Variants in REV1 observed in about 807,000 individuals in gnomAD.
REV1 encodes REV1 DNA directed polymerase, also known as translesion synthesis protein REV1.
In REV1, 42 loss-of-function variants were observed where a neutral mutation model predicts 137.4. The observed-to-expected ratio is 0.31, with a 90% CI of 0.24 to 0.40. REV1 has a LOEUF of 0.40. Among genes scored for constraint, REV1 ranks in the 10% least tolerant of loss-of-function variants. The probability of loss-of-function intolerance (pLI) is 1.00; values close to 1 mark genes in which losing one functional copy is unlikely to be tolerated. For missense variants in REV1, 1,282 were observed against 1,490.1 expected, an observed-to-expected ratio of 0.86 and a Z score of 2.30; for synonymous variants, 524 against 519.2, an observed-to-expected ratio of 1.01 and a Z score of -0.12.
chr2:99,480,758 T>A (rs1176755195), intron 1 of REV1, among the ~76,000 whole-genome samples: 1 of 152,236 alleles, frequency 6.6e-6, no homozygotes. Flanking sequence ...AATGCTTCTA[T>A]TAAATGTAAT....
chr2:99,406,173 A>G (rs1348298618), intron 16 of REV1, 67 bp from the exon 17 acceptor site: 12 of 1,416,154 alleles, frequency 8.5e-6, no homozygotes, highest in Non-Finnish European at 1.0e-5. Flanking sequence ...TCCTCTGTCC[A>G]TTACAAATAA....
intron 3 of REV1, among the ~76,000 whole-genome samples, chr2:99,457,855 A>G (rs1417481966): frequency 6.6e-6 from 1 of 152,194 alleles, no homozygotes; most frequent in Non-Finnish European, 1.5e-5. Flanking sequence ...ACAAACATCA[A>G]TGGAAGAGAA....
Position 99,406,359 on chromosome 2 carries a change from T to G in REV1, c.2580A>C (p.Lys860Asn). Reference sequence around the variant, plus strand: ...GCTCCTCTTCGGTGGATTTCTTAGCTTTCTGAACTTGGAAGACATCACGGA... The same window carrying G: ...GCTCCTCTTCGGTGGATTTCTTAGCGTTCTGAACTTGGAAGACATCACGGA... Reference protein sequence around the residue: ...YSVRDVFQVQKAKKSTEEEHK... With the variant: ...YSVRDVFQVQNAKKSTEEEHK... Residue 860 changes from lysine to asparagine, a missense_variant, in exon 16 of 23, where the codon AAA becomes AAC. Physicochemically the swap from Lys to Asn is moderately conservative, Grantham distance 94 (BLOSUM62 0). This residue lies in a region of REV1 where 372 missense variants were observed against 482.3 expected (regional missense o/e 0.77). Transcript: ENST00000258428. 6.2e-7 allele frequency: 1 copy of G among 1,613,308 alleles called. No individual in the cohort carries two copies. The highest frequency in any genetic ancestry group is 8.5e-7 in the Non-Finnish European group (1 of 1,179,588).
At chr2:99,445,061 G>GC (rs1365532118) in intron 4 of REV1, among the ~76,000 whole-genome samples, 26 of 151,726 alleles carry the variant, frequency 1.7e-4, no homozygotes, top group Admixed American at 1.4e-3. Flanking sequence ...CATAGTCATA[G>GC]CAAGTGAAAT....
At chr2:99,462,912 A>C in intron 2 of REV1, 1 of 220,836 alleles carries the variant, frequency 4.5e-6, no homozygotes, top group Non-Finnish European at 8.7e-6. Flanking sequence ...ACATGGTGAA[A>C]CCCCGTCTCT....
chr2:99,411,325 T>G (rs1052655421), intron 13 of REV1, among the ~76,000 whole-genome samples: 8 of 151,872 alleles, frequency 5.3e-5, no homozygotes, highest in African/African-American at 1.9e-4. Flanking sequence ...CTGTTTGGTA[T>G]ACCCTCAACT....
Position 99,416,027 on chromosome 2 carries a change from GTTTT to G in REV1, c.1951+2797_1951+2800del, listed in dbSNP as rs1425183117. Among the ~76,000 whole-genome samples, 4 of 152,366 alleles carry G rather than the reference GTTTT, an allele frequency of 2.6e-5. No homozygotes were observed. The East Asian group carries it at 7.7e-4, about 29-fold the overall frequency. On this transcript the variant is annotated intron_variant, in intron 12 of 22. Transcript: ENST00000258428. ...TCCTAAAGCAAAAACTTACTATTGT[GTTTT>G]TCCTTCTTATGTAGTTATTCTAATT...
At chr2:99,407,535 G>C (rs1265745649) in intron 15 of REV1, among the ~76,000 whole-genome samples, 3 of 151,448 alleles carry the variant, frequency 2.0e-5, no homozygotes, top group East Asian at 3.9e-4. Context: ...CTGGGCAACA[G>C]GGCAAAAACT....
intron 6 of REV1, among the ~76,000 whole-genome samples, chr2:99,436,996 T>G (rs979121961): frequency 4.0e-5 from 6 of 151,190 alleles, no homozygotes; most frequent in Non-Finnish European, 7.4e-5. Flanking sequence ...TTTTGTTTTT[T>G]TTTTTTTTTT....
chr2:99,459,242 A>T (rs1452031323), intron 3 of REV1, among the ~76,000 whole-genome samples: 2 of 151,724 alleles, frequency 1.3e-5, no homozygotes, highest in African/African-American at 4.8e-5. Context: ...GTAGTGTGGA[A>T]ATGTTCTGTA....
At chr2:99,485,389 T>C (rs10179697) in intron 1 of REV1, among the ~76,000 whole-genome samples, 26,739 of 152,144 alleles carry the variant, frequency 0.18, 3,084 homozygotes, top group African/African-American at 0.32. Context: ...TAAGTTCCAA[T>C]TAATAACCAA....
chr2:99,402,523 G>A, intron 21 of REV1, 121 bp downstream of exon 21: 1 of 1,049,818 alleles, frequency 9.5e-7, no homozygotes, highest in Non-Finnish European at 1.4e-6. Flanking sequence ...GGGGGTAGCT[G>A]CTTTAAGCTT....
chr2:99,441,888 T>C (rs554270587), intron 5 of REV1, among the ~76,000 whole-genome samples: 1 of 152,324 alleles, frequency 6.6e-6, no homozygotes, highest in South Asian at 2.1e-4. Context: ...ATGTTTATTA[T>C]AAGTGAATGG....
rs900484046 is a variant in REV1 at position 99,462,736 on chromosome 2, G to A, written c.55-114C>T. The A allele has an allele frequency of 2.9e-6, 3 of 1,049,916 alleles. No individual in the cohort carries two copies. The South Asian group carries it at 4.5e-5, about 16-fold the overall frequency. The allele number at this position is 1,049,916 out of a possible 1,614,324, so 65.0% of individuals were successfully genotyped here. On this transcript the variant is annotated intron_variant, in intron 2 of 22. Coordinates refer to ENST00000258428, the MANE Select transcript of REV1 (RefSeq NM_016316.4). The stretch of plus-strand genomic sequence containing the variant: ...TAAATGGACCTTATTCTGTGCTAGT[G>A]ACCAGAACATAATGATGACCTCATA...
chr2:99,401,366 G>A lies in REV1; in HGVS notation c.3645-14C>T, dbSNP rs777569976. On this transcript the variant is annotated splice_polypyrimidine_tract_variant and intron_variant, in intron 22 of 22. Transcript: ENST00000258428. ...TGCTGCATCAGCCTAAAGGTGGGGA[G>A]AGAAGAAATGTCATTAGGAATTAGG... 5 of 1,541,526 alleles carry A rather than the reference G, an allele frequency of 3.2e-6. No homozygotes were observed. The South Asian group carries it at 4.5e-5, about 14-fold the overall frequency.
chr2:99,426,017 CA>C (rs1373698229), intron 9 of REV1, among the ~76,000 whole-genome samples: 2 of 150,922 alleles, frequency 1.3e-5, no homozygotes, highest in African/African-American at 4.9e-5. Flanking sequence ...GCCTGGGCAA[CA>C]AGAGCGAAAC....
At chr2:99,424,478 T>C (rs1404306509) in intron 9 of REV1, 198 bp from the exon 10 acceptor site, 4 of 602,888 alleles carry the variant, frequency 6.6e-6, no homozygotes, top group Non-Finnish European at 1.1e-5. Context: ...ATAGTGTAAA[T>C]GACACATGTA....
intron 8 of REV1, among the ~76,000 whole-genome samples, chr2:99,431,283 A>G (rs554702576): frequency 4.6e-5 from 7 of 152,326 alleles, no homozygotes; most frequent in Non-Finnish European, 7.3e-5. Flanking sequence ...CAGAGTGTGT[A>G]ATGTGAGCTA....
At chr2:99,423,263 C>T (rs1678915744) in intron 10 of REV1, among the ~76,000 whole-genome samples, 1 of 152,148 alleles carries the variant, frequency 6.6e-6, no homozygotes, top group Non-Finnish European at 1.5e-5. Context: ...TTCAAATTAA[C>T]GCATAAAAAG....
Sources: allele counts gnomAD v4.1 joint callset (sites outside exome capture counted in the v4.1 genomes callset), GRCh38; gene constraint gnomAD v4.1.1; regional missense constraint gnomAD v4.1.1; transcripts MANE v1.5; gene names NCBI Gene and HGNC (gene_info 2026-07-23, HGNC 2026-07-21).